Variants in AGBL4 observed in about 807,000 individuals in gnomAD.
AGBL4 encodes AGBL carboxypeptidase 4.
Under a neutral mutation model 66.4 loss-of-function variants are expected in AGBL4, and 58 were observed. That is an observed-to-expected ratio of 0.87 (90% CI 0.71 to 1.09). The LOEUF is 1.09. AGBL4 is among the 50% of genes least tolerant of loss of function. The pLI is 0.00. For synonymous variants in AGBL4, 234 were observed against 222.9 expected (o/e 1.05, Z -0.44); for missense variants, 579 against 631.0 (o/e 0.92, Z 0.88).
chr1:49,480,959 T>C (rs1450011644), intron 3 of AGBL4, among the ~76,000 whole-genome samples: 1 of 152,112 alleles, frequency 6.6e-6, no homozygotes, highest in Non-Finnish European at 1.5e-5. Flanking sequence ...GTATGTGGCC[T>C]TATTTCTAGG....
intron 3 of AGBL4, among the ~76,000 whole-genome samples, chr1:49,413,449 TA>T (rs1408702982): frequency 6.6e-6 from 1 of 152,164 alleles, no homozygotes; most frequent in African/African-American, 2.4e-5. Flanking sequence ...AAGAATTGTA[TA>T]TAAATATGAA....
chr1:49,826,271 C>T (rs1368596142), intron 2 of AGBL4, among the ~76,000 whole-genome samples: 1 of 152,126 alleles, frequency 6.6e-6, no homozygotes, highest in Non-Finnish European at 1.5e-5. Flanking sequence ...TTAACTAGTA[C>T]ATATGGGTAT....
chr1:49,471,706 G>T (rs1021677812), intron 3 of AGBL4, among the ~76,000 whole-genome samples: 1 of 151,820 alleles, frequency 6.6e-6, no homozygotes, highest in Admixed American at 6.6e-5. Context: ...CAGGAAAGAG[G>T]CAGCCCAACA....
chr1:50,001,328 G>T (rs1180037357), intron 1 of AGBL4, among the ~76,000 whole-genome samples: 2 of 151,408 alleles, frequency 1.3e-5, no homozygotes, highest in South Asian at 2.1e-4. Flanking sequence ...CCTGATAGTA[G>T]AAGAGTGACT....
Position 48,643,515 on chromosome 1 carries a change from T to C in AGBL4, c.840-8911A>G, listed in dbSNP as rs543037259. Among the ~76,000 whole-genome samples, 14 of 152,304 alleles carry C rather than the reference T, an allele frequency of 9.2e-5. No individual in the cohort carries two copies. The South Asian group carries it at 1.2e-3, about 14-fold the overall frequency. ...GAATCAAATCACTGGGTGTGATTCC[T>C]GGATCTCCTACTATTAAAGGCAGTA... On this transcript the variant is annotated intron_variant, in intron 8 of 13. Coordinates refer to ENST00000371839, the MANE Select transcript of AGBL4 (RefSeq NM_032785.4).
At chr1:48,959,560 A>G (rs918352908) in intron 5 of AGBL4, among the ~76,000 whole-genome samples, 7 of 152,322 alleles carry the variant, frequency 4.6e-5, no homozygotes, top group Non-Finnish European at 7.4e-5. Flanking sequence ...TGGAAATGCT[A>G]AAGGGGTCAA....
At chr1:48,610,431 G>A (rs1645219994) in intron 9 of AGBL4, among the ~76,000 whole-genome samples, 1 of 152,188 alleles carries the variant, frequency 6.6e-6, no homozygotes, top group African/African-American at 2.4e-5. Flanking sequence ...GTTGGTGGGG[G>A]GCATTGAGGA....
intron 5 of AGBL4, among the ~76,000 whole-genome samples, chr1:48,993,895 G>T (rs565999355): frequency 1.1e-4 from 16 of 152,276 alleles, no homozygotes; most frequent in African/African-American, 3.9e-4. Context: ...ATTCAAGATG[G>T]TATTTCCTAT....
intron 11 of AGBL4, among the ~76,000 whole-genome samples, chr1:48,546,211 G>A (rs939293510): frequency 2.1e-4 from 32 of 152,224 alleles, no homozygotes; most frequent in African/African-American, 7.7e-4. Flanking sequence ...TGAGGAAATT[G>A]AAAATCAGAG....
At chr1:48,885,588 A>T (rs1230371763) in intron 5 of AGBL4, among the ~76,000 whole-genome samples, 2 of 152,196 alleles carry the variant, frequency 1.3e-5, no homozygotes, top group East Asian at 3.9e-4. Flanking sequence ...AAAAAGCAGA[A>T]AAAAATGGCA....
chr1:48,818,971 A>G (rs1178368530), intron 6 of AGBL4, among the ~76,000 whole-genome samples: 1 of 152,140 alleles, frequency 6.6e-6, no homozygotes, highest in African/African-American at 2.4e-5. Flanking sequence ...ATGGAAATAT[A>G]TTTTCCTTCA....
At chr1:49,316,234 G>C (rs1026175300) in intron 3 of AGBL4, among the ~76,000 whole-genome samples, 1 of 151,930 alleles carries the variant, frequency 6.6e-6, no homozygotes, top group Admixed American at 6.6e-5. Context: ...AATGTACAAC[G>C]CAGAGTGAAT....
At chr1:50,009,717 G>T (rs569925567) in intron 1 of AGBL4, among the ~76,000 whole-genome samples, 1 of 150,338 alleles carries the variant, frequency 6.7e-6, no homozygotes, top group East Asian at 1.9e-4. Context: ...GGAAGAAGTC[G>T]AATTATTATT....
intron 1 of AGBL4, among the ~76,000 whole-genome samples, chr1:49,964,209 G>A (rs905173717): frequency 2.6e-5 from 4 of 152,064 alleles, no homozygotes; most frequent in Non-Finnish European, 5.9e-5. Context: ...ATAATGTAAT[G>A]GTGAAGAATG....
intron 3 of AGBL4, among the ~76,000 whole-genome samples, chr1:49,498,132 T>G (rs554957094): frequency 1.4e-4 from 22 of 152,090 alleles, no homozygotes; most frequent in African/African-American, 5.1e-4. Context: ...TTTTTGTAGA[T>G]GTTGTAAAAG....
intron 11 of AGBL4, among the ~76,000 whole-genome samples, chr1:48,556,620 G>A (rs1461649443): frequency 2.0e-5 from 3 of 152,138 alleles, no homozygotes; most frequent in African/African-American, 7.2e-5. Context: ...TTCTTCAGAC[G>A]TCAGCTCCAC....
intron 4 of AGBL4, among the ~76,000 whole-genome samples, chr1:49,124,356 A>G (rs1205710883): frequency 6.6e-6 from 1 of 152,202 alleles, no homozygotes; most frequent in Non-Finnish European, 1.5e-5. Context: ...TTTTTCCAAA[A>G]AGAATGGCAT....
intron 5 of AGBL4, among the ~76,000 whole-genome samples, chr1:48,948,723 T>C (rs1271513958): frequency 6.6e-6 from 1 of 152,244 alleles, no homozygotes; most frequent in Non-Finnish European, 1.5e-5. Flanking sequence ...TAGTCACTCC[T>C]TTATTCATAT....
chr1:49,399,500 G>C (rs188588963), intron 3 of AGBL4, among the ~76,000 whole-genome samples: 10 of 152,216 alleles, frequency 6.6e-5, no homozygotes, highest in African/African-American at 2.4e-4. Context: ...ATCCTCACCA[G>C]CATTTGTTAT....
Sources: allele counts gnomAD v4.1 joint callset (sites outside exome capture counted in the v4.1 genomes callset), GRCh38; gene constraint gnomAD v4.1.1; transcripts MANE v1.5; gene names NCBI Gene and HGNC (gene_info 2026-07-23, HGNC 2026-07-21).